PDE8B: variants seen among roughly 807,000 people sequenced by gnomAD.
PDE8B encodes phosphodiesterase 8B.
A neutral mutation model predicts 101.3 loss-of-function variants in PDE8B; 26 were observed. The observed-to-expected ratio is 0.26, with a 90% CI of 0.19 to 0.36. PDE8B has a LOEUF of 0.36. PDE8B is among the 10% of genes least tolerant of loss of function. The pLI is 1.00. For missense variants in PDE8B, 810 were observed against 1,163.1 expected, an observed-to-expected ratio of 0.70 and a Z score of 4.42; for synonymous variants, 424 against 429.3, an observed-to-expected ratio of 0.99 and a Z score of 0.15.
At chr5:77,181,389 G>C in the PDE8B span, among the ~76,000 whole-genome samples, 1 of 152,198 alleles carries the variant, frequency 6.6e-6, no homozygotes, top group East Asian at 1.9e-4. Flanking sequence ...TAGGCGTTCA[G>C]AGTGTCCTCT....
chr5:77,313,875 A>G (rs987951701), intron 2 of PDE8B, among the ~76,000 whole-genome samples: 2 of 152,214 alleles, frequency 1.3e-5, no homozygotes, highest in African/African-American at 4.8e-5. Flanking sequence ...GTGTCCATTC[A>G]TAATATGTAC....
chr5:77,278,813 A>G (rs1023737136), intron 1 of PDE8B, among the ~76,000 whole-genome samples: 1 of 152,156 alleles, frequency 6.6e-6, no homozygotes, highest in African/African-American at 2.4e-5. Flanking sequence ...TAATGCTAAC[A>G]CTGAAAATAG....
At chr5:77,182,001 A>G in the PDE8B span, among the ~76,000 whole-genome samples, 4 of 151,882 alleles carry the variant, frequency 2.6e-5, no homozygotes, top group African/African-American at 7.3e-5. Flanking sequence ...TCCAAGAAGC[A>G]AAAACAGAAG....
Position 77,257,551 on chromosome 5 carries a change from A to G in PDE8B, c.339+46287A>G, listed in dbSNP as rs1287784729. ...AATAATACTAAAATATTATGCATCT[A>G]ATAATAGGGCTTCAAAATATGTAAA... On this transcript the variant is annotated intron_variant, in intron 1 of 21. Coordinates refer to ENST00000264917, the MANE Select transcript of PDE8B (RefSeq NM_003719.5). Among the ~76,000 whole-genome samples the G allele has an allele frequency of 5.3e-5, 8 of 152,362 alleles. No individual in the cohort carries two copies. The East Asian group carries it at 9.6e-4, about 18-fold the overall frequency.
chr5:77,193,539 T>C, the PDE8B span, among the ~76,000 whole-genome samples: 1 of 152,228 alleles, frequency 6.6e-6, no homozygotes, highest in Non-Finnish European at 1.5e-5. Context: ...TATTTGTTTG[T>C]CCTTATGCCA....
At chr5:77,368,662 C>T (rs11741983) in intron 10 of PDE8B, among the ~76,000 whole-genome samples, 28,612 of 152,152 alleles carry the variant, frequency 0.19, 3,345 homozygotes, top group Middle Eastern at 0.32. Flanking sequence ...GGGCCTTACA[C>T]GGTGCTAGGT....
intron 1 of PDE8B, among the ~76,000 whole-genome samples, chr5:77,223,801 T>G (rs75680279): frequency 6.6e-6 from 1 of 152,212 alleles, no homozygotes; most frequent in Non-Finnish European, 1.5e-5. Context: ...GAACAGGCGA[T>G]AGCAGTGGCC....
the PDE8B span, among the ~76,000 whole-genome samples, chr5:77,192,001 G>A: frequency 3.9e-5 from 6 of 152,090 alleles, no homozygotes; most frequent in South Asian, 2.1e-4. Flanking sequence ...AGTAGGGTTC[G>A]CACTTCTATG....
intron 10 of PDE8B, among the ~76,000 whole-genome samples, chr5:77,389,714 G>A (rs1789501415): frequency 6.6e-6 from 1 of 152,138 alleles, no homozygotes; most frequent in African/African-American, 2.4e-5. Context: ...TAGAGTTTGA[G>A]TGTATACTGT....
At chr5:77,134,700 A>G in the PDE8B span, 1 of 152,242 alleles carries the variant, frequency 6.6e-6, no homozygotes, top group Non-Finnish European at 1.5e-5. Flanking sequence ...GACTGCCAAC[A>G]GCTAAGACCT....
At chr5:77,089,347 CG>C in the PDE8B span, 2 of 159,356 alleles carry the variant, frequency 1.3e-5, no homozygotes, top group Non-Finnish European at 2.7e-5. Context: ...CACCCCCAGA[CG>C]GGCCTGTCTA....
intron 5 of PDE8B, among the ~76,000 whole-genome samples, chr5:77,335,888 T>G (rs1778096335): frequency 1.3e-5 from 2 of 152,184 alleles, no homozygotes; most frequent in African/African-American, 4.8e-5. Flanking sequence ...TACTTGCTTT[T>G]TTTTCTGATT....
At chr5:77,425,959 G>T in intron 21 of PDE8B, 63 bp downstream of exon 21, 1 of 1,480,360 alleles carries the variant, frequency 6.8e-7, no homozygotes, top group South Asian at 1.1e-5. Flanking sequence ...ATTATCTTTA[G>T]TGACACAGGG....
intron 10 of PDE8B, among the ~76,000 whole-genome samples, chr5:77,400,019 G>A (rs1791908447): frequency 6.6e-6 from 1 of 152,156 alleles, no homozygotes; most frequent in Admixed American, 6.5e-5. Flanking sequence ...TATGTGCCTT[G>A]GGTACCTTCC....
intron 1 of PDE8B, among the ~76,000 whole-genome samples, chr5:77,212,789 G>A (rs1748789087): frequency 6.6e-6 from 1 of 152,142 alleles, no homozygotes. Context: ...AGCTTTAGGA[G>A]CAATTTTCAG....
intron 15 of PDE8B, 66 bp downstream of exon 15, chr5:77,411,787 G>A (rs533786119): frequency 1.8e-5 from 22 of 1,256,410 alleles, no homozygotes; most frequent in African/African-American, 5.9e-5. Context: ...CCGCTGTTGC[G>A]ATTATTGTTC....
At chr5:77,118,952 A>G in the PDE8B span, 1 of 152,222 alleles carries the variant, frequency 6.6e-6, no homozygotes. Context: ...ACTCATAGAC[A>G]GGTAGTTTAT....
At chr5:77,130,246 C>G in the PDE8B span, among the ~76,000 whole-genome samples, 2 of 152,082 alleles carry the variant, frequency 1.3e-5, no homozygotes, top group Admixed American at 6.6e-5. Context: ...TAGCTATCTG[C>G]AAAAGTTGTG....
the PDE8B span, among the ~76,000 whole-genome samples, chr5:77,203,554 T>C: frequency 1.3e-5 from 2 of 152,322 alleles, no homozygotes; most frequent in African/African-American, 4.8e-5. Context: ...ATATTCCCTT[T>C]GATAAAGTTT....
Sources: gnomAD v4.1 joint callset for allele counts (sites outside exome capture counted in the v4.1 genomes callset) on GRCh38, gnomAD v4.1.1 for gene constraint, MANE v1.5 for transcripts, NCBI Gene and HGNC (gene_info 2026-07-23, HGNC 2026-07-21) for gene names.